The following SRXN1 variants were observed in gnomAD, a reference collection of about 807,000 sequenced individuals.
SRXN1 encodes the protein sulfiredoxin-1.
Under a neutral mutation model 11.0 loss-of-function variants are expected in SRXN1, and 11 were observed. That is an observed-to-expected ratio of 1.00 (90% CI 0.63 to 1.65). The LOEUF (loss-of-function observed/expected upper bound fraction) is 1.65, where lower values mean the gene tolerates loss of function less well. SRXN1 is among the 40% of genes most tolerant of loss of function. SRXN1 has a pLI of 0.00. For missense variants in SRXN1, 211 were observed against 194.5 expected (o/e 1.08, Z -0.50); for synonymous variants, 106 against 92.8 (o/e 1.14, Z -0.82).
chr20:650,449 G>A (rs1177955648), intron 1 of SRXN1, among the ~76,000 whole-genome samples: 1 of 152,204 alleles, frequency 6.6e-6, no homozygotes, highest in Admixed American at 6.5e-5. Context: ...CACACAGCCA[G>A]GTGGAGAGTA....
intron 1 of SRXN1, among the ~76,000 whole-genome samples, chr20:650,338 T>C (rs1983640920): frequency 6.6e-6 from 1 of 152,066 alleles, no homozygotes; most frequent in African/African-American, 2.4e-5. Context: ...GTAGACAGGT[T>C]TGGGACACAT....
rs997210306 is a variant in SRXN1, at chr20:647,942, G to A, written c.*772C>T. 2.5e-6 allele frequency: 1 copy of A among 394,498 alleles called. No homozygotes were observed. Among genetic ancestry groups the A allele is most frequent in the Non-Finnish European group, 5.1e-6 (1 of 196,522 alleles). The allele number at this position is 394,498 out of a possible 1,614,324, so 24.4% of individuals were successfully genotyped here. The stretch of plus-strand genomic sequence containing the variant: ...AGATGGAACACGATTGGTCTATTCA[G>A]CCATGACAATTCTGTTCCCTGCTGT... On this transcript the variant is annotated 3_prime_UTR_variant, in exon 2 of 2. Transcript: ENST00000381962.
rs1983596627 is a variant in SRXN1, at chr20:648,666, G to T, written c.*48C>A. ...CATGGCCCAGCCTGCTGGAGGCCAG[G>T]TGTGTCTTCTGGGCTCTTGAAGGTG... On this transcript the variant is annotated 3_prime_UTR_variant, in exon 2 of 2. Transcript: ENST00000381962. 1 of 1,600,606 alleles carries T rather than the reference G, an allele frequency of 6.2e-7. No individual in the cohort carries two copies. Among genetic ancestry groups the T allele is most frequent in the African/African-American group, 1.3e-5 (1 of 74,642 alleles).
Position 653,152 on chromosome 20 carries a change from C to G in SRXN1, c.34G>C (p.Ala12Pro). ...GLRAGGTLGR[A>P]GAGRGAPEGP... Reference sequence around the variant, plus strand: ...TCGGGCGCCCCCCGACCCGCGCCGGCCCTGCCCAGCGTTCCTCCTGCACGC... The same window carrying G: ...TCGGGCGCCCCCCGACCCGCGCCGGGCCTGCCCAGCGTTCCTCCTGCACGC... The change falls in exon 1 of 2, where the codon GCC (alanine) becomes CCC (proline). Residue 12 changes from alanine (A) to proline (P), a missense_variant. Transcript: ENST00000381962. 1 of 1,276,658 alleles carries G rather than the reference C, an allele frequency of 7.8e-7. No individual in the cohort carries two copies. The allele number at this position is 1,276,658 out of a possible 1,614,324, so 79.1% of individuals were successfully genotyped here.
intron 1 of SRXN1, among the ~76,000 whole-genome samples, chr20:651,860 G>A (rs13043781): frequency 0.42 from 64,271 of 151,806 alleles, 13,747 homozygotes; most frequent in South Asian, 0.52. Context: ...GGTTCTCAAC[G>A]GGAGAAAAAG....
intron 1 of SRXN1, among the ~76,000 whole-genome samples, chr20:651,746 G>A (rs1983678781): frequency 4.0e-5 from 6 of 151,816 alleles, no homozygotes; most frequent in Admixed American, 3.9e-4. Context: ...GGTGGCTGCA[G>A]GCCCACAGAA....
rs1286168055 is a variant in SRXN1, at chr20:648,062, CT to C, written c.*651del. The C allele has an allele frequency of 2.2e-6, 1 of 456,270 alleles. No homozygotes were observed. The highest frequency in any genetic ancestry group is 6.9e-5 in the East Asian group (1 of 14,396). 28.3% of individuals were successfully genotyped at this position (456,270 alleles called of 1,614,324 possible). A position where few individuals can be genotyped will look rare whatever the true frequency, so the allele number is the denominator to read the frequency against. On this transcript the variant is annotated 3_prime_UTR_variant, in exon 2 of 2. Transcript: ENST00000381962. ...GCAGAGGGAGAGAGCAGGAAACAGA[CT>C]TCTGACGAGGTTTTACTTTCTGATA...
At chr20:649,160 A>T (rs946625422) in intron 1 of SRXN1, among the ~76,000 whole-genome samples, 2 of 152,216 alleles carry the variant, frequency 1.3e-5, no homozygotes, top group African/African-American at 4.8e-5. Context: ...GATTTCTCCC[A>T]CACATGTATC....
chr20:652,950 G>A, intron 1 of SRXN1, 26 bp downstream of exon 1: 2 of 1,422,356 alleles, frequency 1.4e-6, no homozygotes, highest in East Asian at 2.8e-5. Flanking sequence ...CCTCCCTCCG[G>A]TTGGCTGGAC....
At position 647,531 on chromosome 20, in the gene SRXN1, C is replaced by G. The variant is rs949501917; in HGVS notation, c.*1183G>C. The G allele has an allele frequency of 6.2e-6, 1 of 161,798 alleles. No homozygotes were observed. Among genetic ancestry groups the G allele is most frequent in the African/African-American group, 2.4e-5 (1 of 41,566 alleles). The allele number at this position is 161,798 out of a possible 1,614,324, so 10.0% of individuals were successfully genotyped here. A position where few individuals can be genotyped will look rare whatever the true frequency, so the allele number is the denominator to read the frequency against. ...GTCTTTCAGCTTCTACTCTCACTCT[C>G]TTTGGAATCCTGAAGCCATCATGTG... is the stretch of plus-strand genomic sequence containing the variant. On this transcript the variant is annotated 3_prime_UTR_variant, in exon 2 of 2. Transcript: ENST00000381962.
At position 648,559 on chromosome 20, in the gene SRXN1, G is replaced by A. The variant is rs958990994; in HGVS notation, c.*155C>T. The A allele has an allele frequency of 5.0e-6, 4 of 797,988 alleles. No individual in the cohort carries two copies. Among genetic ancestry groups the A allele is most frequent in the Admixed American group, 4.3e-5 (2 of 46,498 alleles). 49.4% of individuals were successfully genotyped at this position (797,988 alleles called of 1,614,324 possible). ...TCCCACACTGTACAGTGAGTCCAAG[G>A]CCTTGTAGCTGGTGAGAGGGGTGCC... is the stretch of plus-strand genomic sequence containing the variant. On this transcript the variant is annotated 3_prime_UTR_variant, in exon 2 of 2. Coordinates refer to ENST00000381962, the MANE Select transcript of SRXN1 (RefSeq NM_080725.3).
rs1158291535 is a variant in SRXN1 at position 648,405 on chromosome 20, A to G, written c.*309T>C. 1.8e-6 allele frequency: 1 copy of G among 558,412 alleles called. No homozygotes were observed. Among genetic ancestry groups the G allele is most frequent in the South Asian group, 1.5e-5 (1 of 65,468 alleles). 34.6% of individuals were successfully genotyped at this position (558,412 alleles called of 1,614,324 possible). On this transcript the variant is annotated 3_prime_UTR_variant, in exon 2 of 2. Transcript: ENST00000381962. ...AGAGGTTACATAGACAAAAATGCAG[A>G]GGGATCCTTGTCCTTGGGAATTTGG...
At chr20:652,942 T>C in intron 1 of SRXN1, 34 bp downstream of exon 1, 1 of 1,392,696 alleles carries the variant, frequency 7.2e-7, no homozygotes, top group South Asian at 1.6e-5. Context: ...TCCGAAGCCC[T>C]CCCTCCGGTT....
chr20:649,406 A>T (rs566381657), intron 1 of SRXN1, among the ~76,000 whole-genome samples: 1 of 152,248 alleles, frequency 6.6e-6, no homozygotes, highest in Non-Finnish European at 1.5e-5. Context: ...GTACTTGGAA[A>T]GATAGAGAAG....
At position 648,825 on chromosome 20, in the gene SRXN1, G is replaced by A. The variant is rs1429544395; in HGVS notation, c.303C>T (p.Arg101=). ...DYFYSFGGCH[R]YAAYQQLQRE... is the part of the protein sequence containing the mutation. Reference sequence around the variant, plus strand: ...GCTGCAGTTGCTGGTAGGCCGCGTAGCGGTGGCAGCCCCCAAAGGAGTAGA... The same window carrying A: ...GCTGCAGTTGCTGGTAGGCCGCGTAACGGTGGCAGCCCCCAAAGGAGTAGA... The change falls in exon 2 of 2, where the codon CGC becomes CGT. Residue 101 remains arginine (R), a synonymous_variant. Coordinates refer to ENST00000381962, the MANE Select transcript of SRXN1 (RefSeq NM_080725.3). 2 of 1,614,118 alleles carry A rather than the reference G, an allele frequency of 1.2e-6. No individual in the cohort carries two copies. Among genetic ancestry groups the A allele is most frequent in the Admixed American group, 1.7e-5 (1 of 60,014 alleles).
At position 648,588 on chromosome 20, in the gene SRXN1, A is replaced by G; in HGVS notation, c.*126T>C. On this transcript the variant is annotated 3_prime_UTR_variant, in exon 2 of 2. Transcript: ENST00000381962. ...TGTAGCTGGTGAGAGGGGTGCCCAGAGTCAGACCCTCTCGCCAGGTGCAAA... is the reference window on the plus strand; with the variant it reads ...TGTAGCTGGTGAGAGGGGTGCCCAGGGTCAGACCCTCTCGCCAGGTGCAAA... 9.2e-7 allele frequency: 1 copy of G among 1,084,082 alleles called. No individual in the cohort carries two copies. Among genetic ancestry groups the G allele is most frequent in the Non-Finnish European group, 1.4e-6 (1 of 728,488 alleles). 67.2% of individuals were successfully genotyped at this position (1,084,082 alleles called of 1,614,324 possible).
chr20:648,286 C>T lies in SRXN1; in HGVS notation c.*428G>A, dbSNP rs1177832756. 2 of 457,576 alleles carry T rather than the reference C, an allele frequency of 4.4e-6. No individual in the cohort carries two copies. Among genetic ancestry groups the T allele is most frequent in the Non-Finnish European group, 8.8e-6 (2 of 227,924 alleles). 28.3% of individuals were successfully genotyped at this position (457,576 alleles called of 1,614,324 possible). On this transcript the variant is annotated 3_prime_UTR_variant, in exon 2 of 2. Coordinates refer to ENST00000381962, the MANE Select transcript of SRXN1 (RefSeq NM_080725.3). ...ACCAATACCATTAGCCACCCATCTC[C>T]AGAATCCATGCTATGTGGAAAAACA...
chr20:647,290 G>A lies in SRXN1; in HGVS notation c.*1424C>T, dbSNP rs1302395021. 6.6e-6 allele frequency: 1 copy of A among 152,236 alleles called. No individual in the cohort carries two copies. Among genetic ancestry groups the A allele is most frequent in the African/African-American group, 2.4e-5 (1 of 41,454 alleles). The allele number at this position is 152,236 out of a possible 1,614,324, so 9.4% of individuals were successfully genotyped here. A position where few individuals can be genotyped will look rare whatever the true frequency, so the allele number is the denominator to read the frequency against. ...GCCCCATGAGACAGAGAGAAAGGGG[G>A]AAGAGGGAAATACCTTTATCCAAAT... On this transcript the variant is annotated 3_prime_UTR_variant, in exon 2 of 2. Transcript: ENST00000381962.
chr20:652,996 T>C lies in SRXN1; in HGVS notation c.190A>G (p.Ser64Gly), dbSNP rs1045783819. 1.9e-6 allele frequency: 3 copies of C among 1,564,798 alleles called. No individual in the cohort carries two copies. Among genetic ancestry groups the C allele is most frequent in the African/African-American group, 2.7e-5 (2 of 73,198 alleles). ...PSVLDPAKVQ[S>G]LVDTIREDPD... is the part of the protein sequence containing the mutation. ...CTCACCCGGATCGTGTCCACGAGGC[T>C]CTGCACCTTGGCGGGGTCCAACACG... is the stretch of plus-strand genomic sequence containing the variant. The change falls in exon 1 of 2, where the codon AGC (serine) becomes GGC (glycine). Residue 64 changes from serine to glycine, a missense_variant. By Grantham distance (56) the Ser-to-Gly change is moderately conservative. Coordinates refer to ENST00000381962, the MANE Select transcript of SRXN1 (RefSeq NM_080725.3).
Sources: allele counts gnomAD v4.1 joint callset (sites outside exome capture counted in the v4.1 genomes callset), GRCh38; gene constraint gnomAD v4.1.1; transcripts MANE v1.5; gene names NCBI Gene and HGNC (gene_info 2026-07-23, HGNC 2026-07-21).